Variants in ITGA8 observed in about 807,000 individuals in gnomAD.
ITGA8 encodes integrin alpha-8.
ITGA8 carries 91 observed loss-of-function variants against 142.3 expected under a neutral mutation model. The observed-to-expected ratio is 0.64, with a 90% confidence interval of 0.54 to 0.76. ITGA8 has a LOEUF of 0.76. Among genes scored for constraint, ITGA8 ranks in the 30% least tolerant of loss-of-function variants. The probability of loss-of-function intolerance (pLI) is 0.00; values close to 1 mark genes in which losing one functional copy is unlikely to be tolerated. For synonymous variants in ITGA8, 505 were observed against 485.2 expected, an observed-to-expected ratio of 1.04 and a Z score of -0.54; for missense variants, 1,406 against 1,327.7, an observed-to-expected ratio of 1.06 and a Z score of -0.92.
chr10:15,592,184 T>A, intron 22 of ITGA8, 41 bp downstream of exon 22: 1 of 1,449,970 alleles, frequency 6.9e-7, no homozygotes, highest in Non-Finnish European at 9.6e-7. Flanking sequence ...ATCTCTTTTC[T>A]TTTGACTGCT....
chr10:15,642,667 C>T (rs1169610096), intron 13 of ITGA8, among the ~76,000 whole-genome samples: 1 of 152,028 alleles, frequency 6.6e-6, no homozygotes, highest in Non-Finnish European at 1.5e-5. Context: ...TTGAAATTGC[C>T]ACAGGTAGGA....
chr10:15,629,797 T>C (rs1302201546), intron 13 of ITGA8, among the ~76,000 whole-genome samples: 1 of 151,928 alleles, frequency 6.6e-6, no homozygotes, highest in Non-Finnish European at 1.5e-5. Context: ...TGTGCTGGCA[T>C]GCACCTATAA....
At chr10:15,529,765 C>A (rs1380018677) in intron 28 of ITGA8, among the ~76,000 whole-genome samples, 1 of 152,176 alleles carries the variant, frequency 6.6e-6, no homozygotes, top group Non-Finnish European at 1.5e-5. Context: ...ATGATCTAGG[C>A]TAGAAAGAGA....
At chr10:15,714,489 A>T (rs1835416006) in intron 2 of ITGA8, among the ~76,000 whole-genome samples, 2 of 152,174 alleles carry the variant, frequency 1.3e-5, no homozygotes, top group Admixed American at 6.5e-5. Context: ...GGGAGATCAG[A>T]GAAGTGCTTT....
At chr10:15,616,488 A>G (rs375045367) in intron 14 of ITGA8, 26 bp downstream of exon 14, 5 of 1,555,974 alleles carry the variant, frequency 3.2e-6, no homozygotes, top group African/African-American at 2.7e-5. Flanking sequence ...AATGAGAAAA[A>G]CATTTGAATA....
At chr10:15,609,592 T>A (rs1200141877) in intron 15 of ITGA8, among the ~76,000 whole-genome samples, 1 of 152,244 alleles carries the variant, frequency 6.6e-6, no homozygotes, top group African/African-American at 2.4e-5. Context: ...GAGAAATCAC[T>A]GATTCCAACT....
At chr10:15,560,257 G>A (rs1266211552) in intron 25 of ITGA8, among the ~76,000 whole-genome samples, 2 of 152,216 alleles carry the variant, frequency 1.3e-5, no homozygotes, top group African/African-American at 4.8e-5. Flanking sequence ...CTCAGCCTGG[G>A]CAACAGAGTG....
chr10:15,540,411 T>C (rs12251435), intron 27 of ITGA8, among the ~76,000 whole-genome samples: 4,860 of 152,294 alleles, frequency 0.032, 257 homozygotes, highest in African/African-American at 0.11. Flanking sequence ...TGTGCCTGGC[T>C]TATTTCACTT....
At chr10:15,695,763 G>A (rs905059107) in intron 2 of ITGA8, among the ~76,000 whole-genome samples, 2 of 152,184 alleles carry the variant, frequency 1.3e-5, no homozygotes, top group Non-Finnish European at 2.9e-5. Context: ...TGAGAACAGG[G>A]AAAGAAAGAG....
chr10:15,701,057 T>C (rs1426092073), intron 2 of ITGA8, among the ~76,000 whole-genome samples: 1 of 152,196 alleles, frequency 6.6e-6, no homozygotes, highest in African/African-American at 2.4e-5. Context: ...AGATCATCAG[T>C]GTTTGATGAA....
intron 25 of ITGA8, among the ~76,000 whole-genome samples, chr10:15,570,598 G>A (rs934553231): frequency 1.2e-4 from 10 of 85,454 alleles, no homozygotes; most frequent in East Asian, 3.8e-4. Flanking sequence ...CAACAATAGC[G>A]AAACTCCATC....
At chr10:15,610,893 T>C (rs1400506515) in intron 15 of ITGA8, among the ~76,000 whole-genome samples, 5 of 152,252 alleles carry the variant, frequency 3.3e-5, no homozygotes, top group Non-Finnish European at 7.3e-5. Flanking sequence ...AGTATTTCGC[T>C]AGTTTTTCTT....
chr10:15,559,149 A>G (rs1478844573), intron 25 of ITGA8, among the ~76,000 whole-genome samples: 1 of 152,220 alleles, frequency 6.6e-6, no homozygotes, highest in African/African-American at 2.4e-5. Context: ...GGAAAAACCT[A>G]CTAGACAAAC....
rs1457548506 is a variant in ITGA8, at chr10:15,605,840, A to G, written c.1903-49T>C. On this transcript the variant is annotated intron_variant, in intron 18 of 29. Transcript: ENST00000378076. The stretch of plus-strand genomic sequence containing the variant: ...GGAACAATCTAGGAAAATCTGATTC[A>G]CATCCTTTTTCTTGAAAATTCTGAA... The G allele has an allele frequency of 3.2e-6, 5 of 1,546,742 alleles. No individual in the cohort carries two copies. In the African/African-American group the frequency reaches 5.4e-5, roughly 17 times the overall value.
At chr10:15,697,595 C>T (rs1835081129) in intron 2 of ITGA8, among the ~76,000 whole-genome samples, 1 of 152,232 alleles carries the variant, frequency 6.6e-6, no homozygotes, top group African/African-American at 2.4e-5. Flanking sequence ...GTCACAGCTA[C>T]TCAATTCTGC....
chr10:15,695,382 A>T (rs1369973175), intron 2 of ITGA8, among the ~76,000 whole-genome samples: 1 of 152,148 alleles, frequency 6.6e-6, no homozygotes, highest in Non-Finnish European at 1.5e-5. Flanking sequence ...CTGACTTTGA[A>T]CCTAACATTG....
chr10:15,607,697 C>G lies in ITGA8; in HGVS notation c.1744G>C (p.Asp582His). The change falls in exon 17 of 30, where the codon GAT becomes CAT. Residue 582 changes from aspartate (D) to histidine (H), a missense_variant. Transcript: ENST00000378076. ...IKRQKSHQCQDFIVYLRDETE... is the reference protein window; with the variant it reads ...IKRQKSHQCQHFIVYLRDETE... ...CTTACTCGAAGGTAAACGATGAAAT[C>G]CTGGCACTGGTGGGATTTCTGCCTT... The G allele has an allele frequency of 6.2e-7, 1 of 1,613,868 alleles. No individual in the cohort carries two copies. Among genetic ancestry groups the G allele is most frequent in the South Asian group, 1.1e-5 (1 of 91,054 alleles).
intron 6 of ITGA8, among the ~76,000 whole-genome samples, chr10:15,674,031 G>A (rs921271340): frequency 6.6e-6 from 1 of 152,180 alleles, no homozygotes; most frequent in African/African-American, 2.4e-5. Flanking sequence ...TAATTTGAAA[G>A]CCAAATTAGT....
intron 11 of ITGA8, among the ~76,000 whole-genome samples, chr10:15,648,362 G>A (rs938398098): frequency 1.3e-5 from 2 of 151,388 alleles, no homozygotes; most frequent in East Asian, 1.9e-4. Context: ...CAAGCAAACC[G>A]ATTAAAATAT....
Sources: allele counts gnomAD v4.1 joint callset (sites outside exome capture counted in the v4.1 genomes callset), GRCh38; gene constraint gnomAD v4.1.1; transcripts MANE v1.5; gene names NCBI Gene and HGNC (gene_info 2026-07-23, HGNC 2026-07-21).